MSRA: variants seen among roughly 807,000 people sequenced by gnomAD.
MSRA encodes methionine sulfoxide reductase A.
In MSRA, 54 loss-of-function variants were observed where a neutral mutation model predicts 31.3. The ratio of observed to expected loss-of-function variants is 1.73; its 90% CI spans 1.39 to 2.17. The LOEUF (loss-of-function observed/expected upper bound fraction) is 2.17, where lower values mean the gene tolerates loss of function less well. Ranked by LOEUF, MSRA falls within the 30% of genes most tolerant of loss-of-function variation. The pLI is 0.00. For missense variants in MSRA, 507 were observed against 300.9 expected (o/e 1.69, Z -5.07); for synonymous variants, 169 against 116.5 (o/e 1.45, Z -2.90).
intron 1 of MSRA, among the ~76,000 whole-genome samples, chr8:10,146,755 G>C (rs1803178129): frequency 6.6e-6 from 1 of 152,176 alleles, no homozygotes; most frequent in South Asian, 2.1e-4. Flanking sequence ...CACTTTCTGG[G>C]CGTGGCGCTG....
chr8:10,115,765 G>A lies in MSRA; in HGVS notation c.142+61107G>A, dbSNP rs551270337. Among the ~76,000 whole-genome samples, 139 of 152,296 alleles carry A rather than the reference G, an allele frequency of 9.1e-4. 1 individual carries two copies. The Middle Eastern group carries it at 0.024, about 26-fold the overall frequency. On this transcript the variant is annotated intron_variant, in intron 1 of 5. Coordinates refer to ENST00000317173, the MANE Select transcript of MSRA (RefSeq NM_012331.5). ...TACACTGGTCCCGCAGGGCAAGGAC[G>A]TCATCTTAGTCACTGCTGTATCCCC...
chr8:10,346,455 A>G (rs1479891364), intron 5 of MSRA, among the ~76,000 whole-genome samples: 1 of 152,168 alleles, frequency 6.6e-6, no homozygotes, highest in Middle Eastern at 3.2e-3. Context: ...CCTAGCCTTC[A>G]TAACTCACAT....
intron 3 of MSRA, among the ~76,000 whole-genome samples, chr8:10,276,194 G>T (rs1295848124): frequency 6.6e-6 from 1 of 152,200 alleles, no homozygotes; most frequent in Non-Finnish European, 1.5e-5. Context: ...CTAATCAGCA[G>T]TCCACAGCAG....
intron 1 of MSRA, among the ~76,000 whole-genome samples, chr8:10,074,063 T>C (rs1233418102): frequency 1.5e-4 from 2 of 13,122 alleles, no homozygotes; most frequent in East Asian, 3.7e-3. Context: ...AGGTGCTTTT[T>C]TTTTTTTTTT....
At chr8:10,096,529 C>G (rs1198798853) in intron 1 of MSRA, among the ~76,000 whole-genome samples, 2 of 152,108 alleles carry the variant, frequency 1.3e-5, no homozygotes, top group Non-Finnish European at 2.9e-5. Context: ...AAGTGGTGAG[C>G]TGTGTTTGCA....
intron 2 of MSRA, among the ~76,000 whole-genome samples, chr8:10,212,696 G>A (rs1765353755): frequency 6.6e-6 from 1 of 152,180 alleles, no homozygotes; most frequent in Non-Finnish European, 1.5e-5. Flanking sequence ...CAGGGATGTA[G>A]GGTAATGAAT....
At chr8:10,322,129 A>G (rs17151741) in intron 5 of MSRA, among the ~76,000 whole-genome samples, 26,768 of 152,130 alleles carry the variant, frequency 0.18, 2,698 homozygotes, top group African/African-American at 0.27. Context: ...TTCACATGTC[A>G]TCTGTGCAGT....
chr8:10,151,261 C>CAAAA (rs34388218), intron 1 of MSRA, among the ~76,000 whole-genome samples: 2 of 109,140 alleles, frequency 1.8e-5, no homozygotes, highest in African/African-American at 3.5e-5. Context: ...GAGTCTGTCT[C>CAAAA]AAAAAAAAAA....
intron 5 of MSRA, among the ~76,000 whole-genome samples, chr8:10,416,074 TCTC>T (rs1211477968): frequency 3.9e-5 from 6 of 151,908 alleles, no homozygotes; most frequent in African/African-American, 1.5e-4. Context: ...TGAGGGAACT[TCTC>T]CTGCCTGAGC....
intron 1 of MSRA, among the ~76,000 whole-genome samples, chr8:10,063,123 A>T (rs1197770718): frequency 6.6e-6 from 1 of 152,114 alleles, no homozygotes; most frequent in Non-Finnish European, 1.5e-5. Flanking sequence ...CAAAAGATTG[A>T]CTACATATTT....
At chr8:10,204,526 G>T (rs1346123389) in intron 1 of MSRA, among the ~76,000 whole-genome samples, 5 of 152,148 alleles carry the variant, frequency 3.3e-5, no homozygotes, top group Non-Finnish European at 7.3e-5. Flanking sequence ...ACAGTATTCA[G>T]TATAGTCACA....
chr8:10,356,532 G>T (rs1804517561), intron 5 of MSRA, among the ~76,000 whole-genome samples: 1 of 152,162 alleles, frequency 6.6e-6, no homozygotes, highest in South Asian at 2.1e-4. Context: ...TGAATGCTAT[G>T]TCCCACTCAA....
At chr8:10,274,900 C>T (rs953055081) in intron 3 of MSRA, among the ~76,000 whole-genome samples, 1 of 152,158 alleles carries the variant, frequency 6.6e-6, no homozygotes, top group Admixed American at 6.5e-5. Context: ...TCCGTCCATC[C>T]AACCATTCGT....
chr8:10,163,166 C>T (rs1443795844), intron 1 of MSRA, among the ~76,000 whole-genome samples: 2 of 152,172 alleles, frequency 1.3e-5, no homozygotes, highest in East Asian at 1.9e-4. Flanking sequence ...ACCATGCTGG[C>T]ACCTTGATCT....
chr8:10,391,142 T>C (rs1049479441), intron 5 of MSRA, among the ~76,000 whole-genome samples: 1 of 152,224 alleles, frequency 6.6e-6, no homozygotes, highest in African/African-American at 2.4e-5. Flanking sequence ...GGAAGAACAC[T>C]TTTATAGAAA....
At chr8:10,203,643 T>C (rs1163309132) in intron 1 of MSRA, among the ~76,000 whole-genome samples, 2 of 152,256 alleles carry the variant, frequency 1.3e-5, no homozygotes, top group Admixed American at 6.5e-5. Context: ...TAGTACATAA[T>C]AGTTGATAAT....
chr8:10,191,512 G>A (rs990056130), intron 1 of MSRA, among the ~76,000 whole-genome samples: 9 of 152,216 alleles, frequency 5.9e-5, no homozygotes, highest in Non-Finnish European at 1.2e-4. Context: ...AATAAAAATT[G>A]CCAGAATTAT....
At chr8:10,067,206 C>G (rs1345577496) in intron 1 of MSRA, among the ~76,000 whole-genome samples, 1 of 152,162 alleles carries the variant, frequency 6.6e-6, no homozygotes, top group African/African-American at 2.4e-5. Context: ...CTTGCAACCA[C>G]TGAACTTTTT....
At chr8:10,091,830 C>T (rs138140486) in intron 1 of MSRA, among the ~76,000 whole-genome samples, 8 of 152,142 alleles carry the variant, frequency 5.3e-5, no homozygotes, top group Admixed American at 2.0e-4. Context: ...TGGTCTCGAA[C>T]TCTTGTCCTC....
Sources: allele counts gnomAD v4.1 joint callset (sites outside exome capture counted in the v4.1 genomes callset), GRCh38; gene constraint gnomAD v4.1.1; transcripts MANE v1.5; gene names NCBI Gene and HGNC (gene_info 2026-07-23, HGNC 2026-07-21).